TLK1: variants seen among roughly 807,000 people sequenced by gnomAD.
The protein encoded by TLK1 is tousled like kinase 1, also known as serine/threonine-protein kinase tousled-like 1.
TLK1 carries 24 observed loss-of-function variants against 105.3 expected under a neutral mutation model. The observed-to-expected ratio is 0.23, with a 90% CI of 0.17 to 0.32. The LOEUF is 0.32. Among genes scored for constraint, TLK1 ranks in the 10% least tolerant of loss-of-function variants. The probability of loss-of-function intolerance (pLI) is 1.00; values close to 1 mark genes in which losing one functional copy is unlikely to be tolerated. For synonymous variants in TLK1, 321 were observed against 310.4 expected, an observed-to-expected ratio of 1.03 and a Z score of -0.36; for missense variants, 558 against 910.5, an observed-to-expected ratio of 0.61 and a Z score of 4.98.
At chr2:171,091,136 T>C (rs1689212275) in intron 2 of TLK1, among the ~76,000 whole-genome samples, 1 of 152,212 alleles carries the variant, frequency 6.6e-6, no homozygotes, top group Non-Finnish European at 1.5e-5. Flanking sequence ...GCTTTAGTAC[T>C]AAAATGGCAC....
chr2:171,084,312 G>A (rs141758582), intron 2 of TLK1, among the ~76,000 whole-genome samples: 80 of 152,298 alleles, frequency 5.3e-4, no homozygotes, highest in African/African-American at 1.8e-3. Context: ...AAAAGTGAGA[G>A]CAGTCTAGCC....
chr2:171,036,650 C>T (rs1042270877), intron 11 of TLK1, among the ~76,000 whole-genome samples: 4 of 152,208 alleles, frequency 2.6e-5, no homozygotes, highest in African/African-American at 4.8e-5. Context: ...CCTGGTTCCT[C>T]CATCGTACTG....
chr2:171,021,384 G>A (rs73027230), intron 12 of TLK1, among the ~76,000 whole-genome samples: 11 of 151,590 alleles, frequency 7.3e-5, no homozygotes, highest in African/African-American at 2.4e-4. Context: ...CCTTCGTGTA[G>A]TGTACTGCAG....
chr2:171,026,222 C>A (rs1486291633), intron 12 of TLK1, among the ~76,000 whole-genome samples: 1 of 152,020 alleles, frequency 6.6e-6, no homozygotes, highest in Non-Finnish European at 1.5e-5. Flanking sequence ...AAGTCAAACA[C>A]TGGGAAAGAG....
chr2:171,202,095 T>C (rs1193298087), intron 1 of TLK1, among the ~76,000 whole-genome samples: 2 of 152,362 alleles, frequency 1.3e-5, no homozygotes, highest in East Asian at 3.9e-4. Context: ...AGTTGACAGA[T>C]GAAATACAGG....
At chr2:171,081,503 T>A in intron 3 of TLK1, 3 of 387,620 alleles carry the variant, frequency 7.7e-6, no homozygotes, top group Non-Finnish European at 1.3e-5. Flanking sequence ...AAATATAAAG[T>A]GAGAACATTC....
At chr2:171,209,549 A>C (rs1693573249) in intron 1 of TLK1, among the ~76,000 whole-genome samples, 1 of 152,234 alleles carries the variant, frequency 6.6e-6, no homozygotes. Flanking sequence ...ATAGTTTACA[A>C]AATCTGACGC....
rs1273225738 is a variant in TLK1 at position 171,160,357 on chromosome 2, G to A, written c.72C>T (p.Thr24=). 1 of 1,605,466 alleles carries A rather than the reference G, an allele frequency of 6.2e-7. No homozygotes were observed. The highest frequency in any genetic ancestry group is 8.5e-7 in the Non-Finnish European group (1 of 1,176,658). ...ACCTGGCCGCCGCCGCCGAGCCCGGGGTTGGAGACGTGGAGAGCTGGGACC... is the reference window on the plus strand; with the variant it reads ...ACCTGGCCGCCGCCGCCGAGCCCGGAGTTGGAGACGTGGAGAGCTGGGACC... The part of the protein sequence containing the change: ...PSWSQLSTSP[T]PGSAAAARSL... Residue 24 remains threonine (T), a synonymous_variant, in exon 1 of 21, where the codon ACC becomes ACT. Coordinates refer to ENST00000431350, the MANE Select transcript of TLK1 (RefSeq NM_012290.5). This position sits in a 1 kb window ranked among gnomAD's most constrained non-coding sequence, Gnocchi z 4.4.
At chr2:171,199,499 T>G (rs528307640) in intron 1 of TLK1, among the ~76,000 whole-genome samples, 1 of 133,728 alleles carries the variant, frequency 7.5e-6, no homozygotes, top group African/African-American at 2.6e-5. Flanking sequence ...GGTGACAGAG[T>G]GAGACCTGGT....
intron 1 of TLK1, among the ~76,000 whole-genome samples, chr2:171,203,935 C>T (rs1288009300): frequency 6.6e-6 from 1 of 151,944 alleles, no homozygotes; most frequent in African/African-American, 2.4e-5. Context: ...ACCTGTAGTC[C>T]CAACTACTTG....
At chr2:171,068,734 T>C (rs1688126765) in intron 3 of TLK1, among the ~76,000 whole-genome samples, 1 of 152,200 alleles carries the variant, frequency 6.6e-6, no homozygotes, top group Non-Finnish European at 1.5e-5. Context: ...AGTTCCCACA[T>C]ACTCCACTTT....
intron 2 of TLK1, among the ~76,000 whole-genome samples, chr2:171,097,672 C>A (rs1689506050): frequency 6.6e-6 from 1 of 152,144 alleles, no homozygotes; most frequent in Admixed American, 6.6e-5. Flanking sequence ...CATCTGTAAT[C>A]CCAGTACTTT....
chr2:171,021,679 A>G (rs55996750), intron 12 of TLK1, among the ~76,000 whole-genome samples: 56,522 of 151,954 alleles, frequency 0.37, 11,496 homozygotes, highest in African/African-American at 0.51. Context: ...CTTTTTTGTG[A>G]AAGTTATCTC....
intron 1 of TLK1, among the ~76,000 whole-genome samples, chr2:171,195,697 G>T (rs1204023003): frequency 6.6e-6 from 1 of 152,036 alleles, no homozygotes; most frequent in African/African-American, 2.4e-5. Context: ...GGAGCATGTG[G>T]ATAAACACCT....
At chr2:171,164,080 G>C (rs1692563837), upstream of TLK1, among the ~76,000 whole-genome samples, 1 of 152,162 alleles carries the variant, frequency 6.6e-6, no homozygotes, top group African/African-American at 2.4e-5. Context: ...ATGATAACTA[G>C]AGGATTACAG....
chr2:171,025,820 A>AT (rs1685745728), intron 12 of TLK1, among the ~76,000 whole-genome samples: 1 of 152,214 alleles, frequency 6.6e-6, no homozygotes, highest in Admixed American at 6.5e-5. Context: ...TTTTAACTGT[A>AT]TAACTCAAAA....
chr2:171,156,721 C>T (rs1692249429), intron 1 of TLK1, among the ~76,000 whole-genome samples: 2 of 152,218 alleles, frequency 1.3e-5, no homozygotes, highest in African/African-American at 4.8e-5. Flanking sequence ...GGTACACCTT[C>T]GTTTTTAACA....
At chr2:171,028,459 A>G in intron 11 of TLK1, 54 bp from the exon 12 acceptor site, 2 of 1,174,000 alleles carry the variant, frequency 1.7e-6, no homozygotes, top group Admixed American at 1.9e-5. Context: ...TTAGTTTATT[A>G]ACAACTAGCA....
At chr2:171,018,641 C>A (rs1214357497) in intron 12 of TLK1, among the ~76,000 whole-genome samples, 1 of 152,154 alleles carries the variant, frequency 6.6e-6, no homozygotes, top group Non-Finnish European at 1.5e-5. Context: ...AGAATAGAAT[C>A]CTCAAACTCA....
Sources: allele counts gnomAD v4.1 joint callset (sites outside exome capture counted in the v4.1 genomes callset), GRCh38; gene constraint gnomAD v4.1.1; non-coding constraint Gnocchi (gnomAD v3.1); transcripts MANE v1.5; gene names NCBI Gene and HGNC (gene_info 2026-07-23, HGNC 2026-07-21).